Variants in PALM2AKAP2 observed in about 807,000 individuals in gnomAD.
PALM2AKAP2 encodes the protein PALM2 and AKAP2 fusion, also known as PALM2-AKAP2 fusion protein.
In PALM2AKAP2, 37 loss-of-function variants were observed where a neutral mutation model predicts 71.5. That is an observed-to-expected ratio of 0.52 (90% CI 0.40 to 0.68). PALM2AKAP2 has a LOEUF of 0.68. Among genes scored for constraint, PALM2AKAP2 ranks in the 30% least tolerant of loss-of-function variants. PALM2AKAP2 has a pLI of 0.00. For missense variants in PALM2AKAP2, 1,224 were observed against 1,191.8 expected, an observed-to-expected ratio of 1.03 and a Z score of -0.40; for synonymous variants, 468 against 478.8, an observed-to-expected ratio of 0.98 and a Z score of 0.29.
At chr9:109,948,476 A>G (rs1831563601) in intron 6 of PALM2AKAP2, among the ~76,000 whole-genome samples, 2 of 152,232 alleles carry the variant, frequency 1.3e-5, no homozygotes, top group Non-Finnish European at 2.9e-5. Context: ...AAAGATCTGG[A>G]CAGCCTTAAC....
At chr9:110,008,223 C>T (rs1832818943) in intron 6 of PALM2AKAP2, among the ~76,000 whole-genome samples, 1 of 151,996 alleles carries the variant, frequency 6.6e-6, no homozygotes, top group African/African-American at 2.4e-5. Flanking sequence ...GAATGAGAGA[C>T]AGGAGGACAG....
intron 6 of PALM2AKAP2, among the ~76,000 whole-genome samples, chr9:109,959,723 G>T (rs1588033561): frequency 6.6e-6 from 1 of 151,790 alleles, no homozygotes; most frequent in Admixed American, 6.6e-5. Context: ...GTTAGGCATA[G>T]AAACTCCAAG....
In PALM2AKAP2 at chr9:109,720,483, CAG is replaced by C. The variant is rs1179220071; in HGVS notation, c.6-60000_6-59999del. On this transcript the variant is annotated intron_variant, in intron 1 of 6. Transcript: ENST00000374531. Reference sequence around the variant, plus strand: ...GAAGTCATGAGGGAATTGTGGGCTGCAGAGAGTTTTGGAAGTCATTAGCCTAT... The same window carrying C: ...GAAGTCATGAGGGAATTGTGGGCTGCAGAGTTTTGGAAGTCATTAGCCTAT... Among the ~76,000 whole-genome samples, 3 of 152,052 alleles carry C rather than the reference CAG, an allele frequency of 2.0e-5. No individual in the cohort carries two copies. In the East Asian group the frequency reaches 5.8e-4, roughly 29 times the overall value.
At chr9:109,765,651 CT>C (rs1247712162) in intron 1 of PALM2AKAP2, 5 of 152,412 alleles carry the variant, frequency 3.3e-5, no homozygotes, top group African/African-American at 1.2e-4. Context: ...CTTTAAAAGT[CT>C]GATGTGCAGT....
chr9:109,821,978 C>T (rs1828018952), intron 1 of PALM2AKAP2, among the ~76,000 whole-genome samples: 1 of 152,220 alleles, frequency 6.6e-6, no homozygotes, highest in Admixed American at 6.5e-5. Context: ...CCTGGATGCC[C>T]TTCTCTTATT....
At chr9:110,112,664 G>A (rs1298010548) in intron 1 of PALM2AKAP2, among the ~76,000 whole-genome samples, 1 of 152,184 alleles carries the variant, frequency 6.6e-6, no homozygotes, top group Non-Finnish European at 1.5e-5. Flanking sequence ...GTTTCTAGTC[G>A]AGATTGTCCC....
At chr9:109,872,932 G>A (rs543837828) in intron 2 of PALM2AKAP2, among the ~76,000 whole-genome samples, 1 of 152,306 alleles carries the variant, frequency 6.6e-6, no homozygotes, top group Non-Finnish European at 1.5e-5. Context: ...AGCTTGAATG[G>A]AAGTTAAAAC....
intron 3 of PALM2AKAP2, among the ~76,000 whole-genome samples, chr9:109,906,789 C>T (rs767139792): frequency 6.6e-6 from 1 of 152,216 alleles, no homozygotes; most frequent in Middle Eastern, 3.2e-3. Flanking sequence ...AATCCTATCA[C>T]TGACTTAAAG....
intron 1 of PALM2AKAP2, among the ~76,000 whole-genome samples, chr9:109,807,981 C>T (rs1827626265): frequency 6.6e-6 from 1 of 152,216 alleles, no homozygotes; most frequent in African/African-American, 2.4e-5. Flanking sequence ...TTTGCTTGCC[C>T]TTCTGCCATG....
chr9:110,156,484 T>C lies in PALM2AKAP2; in HGVS notation c.2735T>C (p.Met912Thr), dbSNP rs200989706. ...CACAAATCTAAAAGGCGCGAGAGAA[T>C]GGATGATAGTAGTGTAAGTTTTTCC... is the stretch of plus-strand genomic sequence containing the variant. Residue 912 changes from methionine to threonine, a missense_variant, in exon 3 of 4, where the codon ATG becomes ACG. Met to Thr is a moderately conservative substitution (Grantham distance 81). Transcript: ENST00000374525. 46 of 1,607,232 alleles carry C rather than the reference T, an allele frequency of 2.9e-5. No homozygotes were observed. In the African/African-American group the frequency reaches 5.7e-4, roughly 20 times the overall value.
At chr9:109,801,452 G>C (rs1315911979) in intron 1 of PALM2AKAP2, among the ~76,000 whole-genome samples, 1 of 152,214 alleles carries the variant, frequency 6.6e-6, no homozygotes, top group East Asian at 1.9e-4. Flanking sequence ...CACAATGTAT[G>C]GAAGGTAGTG....
intron 1 of PALM2AKAP2, among the ~76,000 whole-genome samples, chr9:109,753,235 G>A (rs1289823029): frequency 6.6e-6 from 1 of 152,110 alleles, no homozygotes; most frequent in Non-Finnish European, 1.5e-5. Flanking sequence ...CACCCAAGTT[G>A]AGTCTTAGAG....
At chr9:110,098,046 A>G (rs1411894875) in intron 1 of PALM2AKAP2, among the ~76,000 whole-genome samples, 20 of 143,988 alleles carry the variant, frequency 1.4e-4, no homozygotes, top group Non-Finnish European at 3.0e-4. Flanking sequence ...CTGCAATCGC[A>G]GGCACTCGGC....
Position 109,711,993 on chromosome 9 carries a change from T to TTG in PALM2AKAP2, c.6-68468_6-68467dup, listed in dbSNP as rs10611227. Among the ~76,000 whole-genome samples, 1,010 of 148,688 alleles carry TTG rather than the reference T, an allele frequency of 6.8e-3. 8 individuals carry two copies. Among genetic ancestry groups the TTG allele is most frequent in the South Asian group, 0.025 (115 of 4,658 alleles). On this transcript the variant is annotated intron_variant, in intron 1 of 6. Transcript: ENST00000374531. ...CATGTGCCTGTCCTTGTGTGAGTGC[T>TTG]TGTGTGTGTGTGTGTGTGTGTGTGT...
chr9:109,907,593 A>T (rs527246362), intron 3 of PALM2AKAP2, among the ~76,000 whole-genome samples: 1 of 152,334 alleles, frequency 6.6e-6, no homozygotes, highest in East Asian at 1.9e-4. Flanking sequence ...CTCTGAGAAC[A>T]TGACAGAGAA....
intron 1 of PALM2AKAP2, 123 bp downstream of exon 1, chr9:109,780,656 A>G: frequency 7.1e-7 from 1 of 1,400,814 alleles, no homozygotes; most frequent in South Asian, 1.2e-5. Context: ...AGGGGCTAAA[A>G]CTCTGTCAGG....
chr9:109,701,169 C>G (rs1828049559), intron 1 of PALM2AKAP2, among the ~76,000 whole-genome samples: 1 of 152,102 alleles, frequency 6.6e-6, no homozygotes, highest in Non-Finnish European at 1.5e-5. Context: ...TTGGGCATGC[C>G]AAGGTAATTT....
chr9:110,151,201 T>A (rs2119187926), intron 2 of PALM2AKAP2, among the ~76,000 whole-genome samples: 1 of 152,270 alleles, frequency 6.6e-6, no homozygotes, highest in African/African-American at 2.4e-5. Flanking sequence ...ACTTTAAAAT[T>A]TTTTTCCCCT....
At chr9:109,805,617 G>A (rs1827551732) in intron 1 of PALM2AKAP2, among the ~76,000 whole-genome samples, 1 of 152,042 alleles carries the variant, frequency 6.6e-6, no homozygotes, top group Non-Finnish European at 1.5e-5. Context: ...TGCAAGATAA[G>A]GAAAAAATTC....
Sources: gnomAD v4.1 joint callset for allele counts (sites outside exome capture counted in the v4.1 genomes callset) on GRCh38, gnomAD v4.1.1 for gene constraint, MANE v1.5 for transcripts, NCBI Gene and HGNC (gene_info 2026-07-23, HGNC 2026-07-21) for gene names.